Variants in LY86 observed in about 807,000 individuals in gnomAD.
The protein encoded by LY86 is MD-1, RP105-associated.
A neutral mutation model predicts 17.3 loss-of-function variants in LY86; 20 were observed. That is an observed-to-expected ratio of 1.15 (90% CI 0.81 to 1.68). The LOEUF is 1.68. LY86 is among the 40% of genes most tolerant of loss of function. The pLI is 0.00. For synonymous variants in LY86, 74 were observed against 70.6 expected, an observed-to-expected ratio of 1.05 and a Z score of -0.24; for missense variants, 200 against 191.9, an observed-to-expected ratio of 1.04 and a Z score of -0.25.
intron 1 of LY86, among the ~76,000 whole-genome samples, chr6:6,605,873 C>T (rs571843462): frequency 1.6e-4 from 24 of 149,626 alleles, no homozygotes; most frequent in African/African-American, 5.9e-4. Flanking sequence ...TGGAGCTCTT[C>T]GTTTCTCGCG....
At chr6:6,600,493 G>A (rs769860475) in intron 1 of LY86, among the ~76,000 whole-genome samples, 5 of 149,454 alleles carry the variant, frequency 3.3e-5, no homozygotes, top group Non-Finnish European at 5.9e-5. Flanking sequence ...CAGAGGCTGA[G>A]GCAGGGGAAT....
intron 1 of LY86, among the ~76,000 whole-genome samples, chr6:6,593,424 A>T (rs1403367250): frequency 2.0e-5 from 3 of 152,222 alleles, no homozygotes; most frequent in Non-Finnish European, 4.4e-5. Context: ...CAAGTAAGAT[A>T]AGATTCACAT....
intron 1 of LY86, among the ~76,000 whole-genome samples, chr6:6,612,524 C>CT (rs1312647085): frequency 6.6e-6 from 1 of 152,102 alleles, no homozygotes; most frequent in Non-Finnish European, 1.5e-5. Context: ...AGCAAAAGAA[C>CT]AAACCAACCA....
intron 1 of LY86, among the ~76,000 whole-genome samples, chr6:6,614,377 C>CTTT (rs57187485): frequency 4.1e-4 from 59 of 145,596 alleles, no homozygotes; most frequent in Middle Eastern, 3.6e-3. Flanking sequence ...AATCACGTCT[C>CTTT]TTTTTTTTTT....
At chr6:6,642,563 T>C (rs1762054829) in intron 3 of LY86, among the ~76,000 whole-genome samples, 1 of 152,196 alleles carries the variant, frequency 6.6e-6, no homozygotes, top group Non-Finnish European at 1.5e-5. Flanking sequence ...CTAGCTACCG[T>C]GACATTCGCC....
rs992439896 is a variant in LY86 at position 6,643,773 on chromosome 6, AAC to A, written c.353-5841_353-5840del. 3.9e-5 allele frequency among the ~76,000 whole-genome samples: 6 copies of A among 152,172 alleles called. No homozygotes were observed. In the South Asian group the frequency reaches 6.2e-4, roughly 16 times the overall value. On this transcript the variant is annotated intron_variant, in intron 3 of 4. Coordinates refer to ENST00000230568, the MANE Select transcript of LY86 (RefSeq NM_004271.4). ...ACGTGCAGGCACACATGTGCACACA[AAC>A]ACACACACACGAAAGGTGACTATGT...
At chr6:6,597,436 G>C (rs771488990) in intron 1 of LY86, among the ~76,000 whole-genome samples, 1 of 152,158 alleles carries the variant, frequency 6.6e-6, no homozygotes, top group Non-Finnish European at 1.5e-5. Context: ...TGAACAAGGC[G>C]GGGTTTTCAC....
chr6:6,636,568 C>A (rs566336860), intron 3 of LY86, among the ~76,000 whole-genome samples: 2 of 152,286 alleles, frequency 1.3e-5, no homozygotes, highest in African/African-American at 2.4e-5. Flanking sequence ...AAGTTTAAGA[C>A]CTTTTCCTTA....
intron 1 of LY86, among the ~76,000 whole-genome samples, chr6:6,598,978 T>C (rs887157215): frequency 6.6e-6 from 1 of 152,242 alleles, no homozygotes; most frequent in African/African-American, 2.4e-5. Flanking sequence ...TTCTGCCTAA[T>C]TTGTATATGG....
At chr6:6,631,002 GAT>G (rs1761890398) in intron 3 of LY86, among the ~76,000 whole-genome samples, 1 of 151,918 alleles carries the variant, frequency 6.6e-6, no homozygotes, top group African/African-American at 2.4e-5. Context: ...TCAATGATAA[GAT>G]ATTAATATTA....
At chr6:6,605,811 G>A (rs115782530) in intron 1 of LY86, among the ~76,000 whole-genome samples, 10,430 of 152,072 alleles carry the variant, frequency 0.069, 462 homozygotes, top group Middle Eastern at 0.16. Flanking sequence ...TGGGGTTCGT[G>A]GTCTCGCTGG....
At chr6:6,630,978 A>G (rs1318132691) in intron 3 of LY86, among the ~76,000 whole-genome samples, 26 of 152,146 alleles carry the variant, frequency 1.7e-4, no homozygotes, top group Admixed American at 1.6e-3. Context: ...TTAATATATT[A>G]TTTTAATCAT....
At chr6:6,612,241 G>T (rs551086318) in intron 1 of LY86, among the ~76,000 whole-genome samples, 2 of 152,142 alleles carry the variant, frequency 1.3e-5, no homozygotes, top group African/African-American at 2.4e-5. Flanking sequence ...GGCGTGTCCA[G>T]AGTTTATTCC....
intron 1 of LY86, among the ~76,000 whole-genome samples, chr6:6,602,815 CT>C (rs1448620125): frequency 2.6e-5 from 4 of 152,320 alleles, no homozygotes; most frequent in Admixed American, 2.0e-4. Context: ...TCCGACTTAA[CT>C]GTGTATTGGA....
At chr6:6,612,500 CACTT>C (rs769337458) in intron 1 of LY86, among the ~76,000 whole-genome samples, 4 of 145,880 alleles carry the variant, frequency 2.7e-5, no homozygotes, top group African/African-American at 7.8e-5. Flanking sequence ...ACAACAAAAA[CACTT>C]ACTGCAAAAA....
chr6:6,602,192 A>AT (rs1760931245), intron 1 of LY86, among the ~76,000 whole-genome samples: 1 of 152,212 alleles, frequency 6.6e-6, no homozygotes, highest in Non-Finnish European at 1.5e-5. Context: ...CTAATTATAT[A>AT]ATAGTTATGT....
At chr6:6,594,182 C>T (rs1760627379) in intron 1 of LY86, among the ~76,000 whole-genome samples, 1 of 152,068 alleles carries the variant, frequency 6.6e-6, no homozygotes, top group South Asian at 2.1e-4. Context: ...TTCCCTGATA[C>T]TCACAGTCTA....
At chr6:6,593,629 G>A (rs527450761) in intron 1 of LY86, among the ~76,000 whole-genome samples, 1 of 152,200 alleles carries the variant, frequency 6.6e-6, no homozygotes, top group Non-Finnish European at 1.5e-5. Flanking sequence ...AACTGATTGA[G>A]GTATAATAGA....
intron 3 of LY86, among the ~76,000 whole-genome samples, chr6:6,640,444 G>C (rs1356007805): frequency 1.3e-5 from 2 of 151,986 alleles, no homozygotes; most frequent in African/African-American, 4.8e-5. Flanking sequence ...GGATAGCTGG[G>C]TGCAGTGGCT....
Sources: gnomAD v4.1 joint callset for allele counts (sites outside exome capture counted in the v4.1 genomes callset) on GRCh38, gnomAD v4.1.1 for gene constraint, MANE v1.5 for transcripts, NCBI Gene and HGNC (gene_info 2026-07-23, HGNC 2026-07-21) for gene names.